Variants in CSMD1 observed in about 807,000 individuals in gnomAD.
CSMD1 encodes CUB and sushi domain-containing protein 1.
A neutral mutation model predicts 417.5 loss-of-function variants in CSMD1; 213 were observed. The ratio of observed to expected loss-of-function variants is 0.51; its 90% CI spans 0.46 to 0.57. CSMD1 has a LOEUF of 0.57. CSMD1 is among the 20% of genes least tolerant of loss of function. The probability of loss-of-function intolerance (pLI) is 0.00; values close to 1 mark genes in which losing one functional copy is unlikely to be tolerated. For synonymous variants in CSMD1, 2,862 were observed against 1,736.8 expected (o/e 1.65, Z -16.11); for missense variants, 6,923 against 4,529.7 (o/e 1.53, Z -15.17).
intron 5 of CSMD1, among the ~76,000 whole-genome samples, chr8:3,962,525 G>C (rs556043235): frequency 6.6e-6 from 1 of 152,160 alleles, no homozygotes; most frequent in South Asian, 2.1e-4. Context: ...TAACGTAATA[G>C]GCTAATCGCA....
At chr8:4,468,917 C>A (rs537453647) in intron 2 of CSMD1, among the ~76,000 whole-genome samples, 1 of 151,040 alleles carries the variant, frequency 6.6e-6, no homozygotes, top group African/African-American at 2.4e-5. Flanking sequence ...GAAAGGAATG[C>A]TGGAAACAAG....
In CSMD1 at chr8:4,775,598, C is replaced by T. The variant is rs531182381; in HGVS notation, c.86-138040G>A. On this transcript the variant is annotated intron_variant, in intron 1 of 69. Coordinates refer to ENST00000635120, the MANE Select transcript of CSMD1 (RefSeq NM_033225.6). ...AGAATAAAAAAGATATTTTAAGCAA[C>T]TAATCAATGTTAATTACAAGCAAAC... is the stretch of plus-strand genomic sequence containing the variant. 3.3e-5 allele frequency among the ~76,000 whole-genome samples: 5 copies of T among 152,230 alleles called. No individual in the cohort carries two copies. The East Asian group carries it at 9.6e-4, about 29-fold the overall frequency.
chr8:3,141,179 G>A (rs1263488409), intron 41 of CSMD1, among the ~76,000 whole-genome samples: 4 of 152,194 alleles, frequency 2.6e-5, no homozygotes, highest in Non-Finnish European at 5.9e-5. Flanking sequence ...GAGAGAGTGT[G>A]TGCAGGTGGG....
intron 6 of CSMD1, among the ~76,000 whole-genome samples, chr8:3,744,291 G>A (rs1796958945): frequency 6.6e-6 from 1 of 152,176 alleles, no homozygotes; most frequent in South Asian, 2.1e-4. Flanking sequence ...TGAAAAGGCG[G>A]ATGGGGACAC....
At chr8:4,227,970 G>A (rs1801461164) in intron 3 of CSMD1, among the ~76,000 whole-genome samples, 1 of 138,374 alleles carries the variant, frequency 7.2e-6, no homozygotes, top group African/African-American at 2.7e-5. Context: ...CCCACACCAG[G>A]AGACACGCCC....
intron 57 of CSMD1, among the ~76,000 whole-genome samples, chr8:2,969,076 G>A (rs904101172): frequency 6.6e-6 from 1 of 152,054 alleles, no homozygotes; most frequent in East Asian, 1.9e-4. Context: ...AAATAAACCT[G>A]AGCAATCAAT....
At chr8:3,154,647 T>C (rs1242009868) in intron 39 of CSMD1, among the ~76,000 whole-genome samples, 2 of 152,110 alleles carry the variant, frequency 1.3e-5, no homozygotes, top group Non-Finnish European at 2.9e-5. Flanking sequence ...CCACCTGCTG[T>C]GACATGAACT....
At chr8:3,696,685 A>C (rs765682820) in intron 7 of CSMD1, among the ~76,000 whole-genome samples, 23 of 152,224 alleles carry the variant, frequency 1.5e-4, no homozygotes, top group Non-Finnish European at 2.5e-4. Flanking sequence ...ATAAGACAAC[A>C]GTCAGTAAGG....
At chr8:4,348,548 T>A (rs1010648599) in intron 3 of CSMD1, among the ~76,000 whole-genome samples, 12 of 147,764 alleles carry the variant, frequency 8.1e-5, no homozygotes, top group Non-Finnish European at 1.6e-4. Flanking sequence ...CAAATAAAAG[T>A]GTGTGTGTGC....
intron 26 of CSMD1, among the ~76,000 whole-genome samples, chr8:3,267,212 G>A (rs1327919162): frequency 6.6e-6 from 1 of 152,148 alleles, no homozygotes; most frequent in Non-Finnish European, 1.5e-5. Context: ...GGTAACAGGA[G>A]TGAGAAACAG....
At chr8:3,959,975 C>T (rs74322053) in intron 5 of CSMD1, among the ~76,000 whole-genome samples, 6,604 of 152,222 alleles carry the variant, frequency 0.043, 169 homozygotes, top group Middle Eastern at 0.075. Flanking sequence ...TACGAAATAA[C>T]AAAGAGTGTG....
intron 3 of CSMD1, among the ~76,000 whole-genome samples, chr8:4,088,834 G>T (rs771772463): frequency 6.6e-6 from 1 of 151,976 alleles, no homozygotes; most frequent in Non-Finnish European, 1.5e-5. Context: ...CCCTCCCTCT[G>T]GAATCACTAG....
chr8:3,838,058 G>C (rs759979895), intron 5 of CSMD1, among the ~76,000 whole-genome samples: 1 of 152,074 alleles, frequency 6.6e-6, no homozygotes, highest in Non-Finnish European at 1.5e-5. Flanking sequence ...GTGTGACTTG[G>C]AAACGGTTGT....
intron 3 of CSMD1, among the ~76,000 whole-genome samples, chr8:4,221,541 G>A (rs964522229): frequency 2.6e-5 from 4 of 152,144 alleles, no homozygotes; most frequent in South Asian, 2.1e-4. Context: ...TCCCAGGAAG[G>A]CTCAAGAGCA....
At chr8:4,694,457 T>C (rs963724895) in intron 1 of CSMD1, among the ~76,000 whole-genome samples, 3 of 152,076 alleles carry the variant, frequency 2.0e-5, no homozygotes, top group African/African-American at 7.2e-5. Flanking sequence ...ATTCAAGCGA[T>C]TCTCCTGCCT....
intron 3 of CSMD1, among the ~76,000 whole-genome samples, chr8:4,320,179 A>T (rs1247241694): frequency 1.3e-5 from 2 of 152,344 alleles, no homozygotes; most frequent in African/African-American, 4.8e-5. Context: ...AAAAATATCC[A>T]GCACTTAACA....
chr8:3,844,334 C>CAATA (rs1803343296), intron 5 of CSMD1, among the ~76,000 whole-genome samples: 1 of 152,078 alleles, frequency 6.6e-6, no homozygotes, highest in African/African-American at 2.4e-5. Context: ...AAGTCAATGA[C>CAATA]AATACTTCAG....
chr8:4,774,754 C>T (rs1796762069), intron 1 of CSMD1, among the ~76,000 whole-genome samples: 1 of 152,094 alleles, frequency 6.6e-6, no homozygotes, highest in Non-Finnish European at 1.5e-5. Context: ...TAACAGACTT[C>T]CCAGGAGACC....
intron 3 of CSMD1, among the ~76,000 whole-genome samples, chr8:4,279,955 G>C (rs558362645): frequency 6.6e-6 from 1 of 152,108 alleles, no homozygotes; most frequent in Non-Finnish European, 1.5e-5. Context: ...AGTACATAGG[G>C]GCAAGAACAT....
Sources: gnomAD v4.1 joint callset for allele counts (sites outside exome capture counted in the v4.1 genomes callset) on GRCh38, gnomAD v4.1.1 for gene constraint, MANE v1.5 for transcripts, NCBI Gene and HGNC (gene_info 2026-07-23, HGNC 2026-07-21) for gene names.